The following RGS7 variants were observed in gnomAD, a reference collection of about 807,000 sequenced individuals.
RGS7 encodes the protein regulator of G protein signaling 7.
A neutral mutation model predicts 81.1 loss-of-function variants in RGS7; 27 were observed. The ratio of observed to expected loss-of-function variants is 0.33; its 90% CI spans 0.25 to 0.46. RGS7 has a LOEUF of 0.46. Among genes scored for constraint, RGS7 ranks in the 20% least tolerant of loss-of-function variants. The pLI is 1.00. For missense variants in RGS7, 396 were observed against 607.4 expected (o/e 0.65, Z 3.66); for synonymous variants, 208 against 207.7 (o/e 1.00, Z -0.01).
chr1:241,300,305 C>T (rs370271805), intron 2 of RGS7, among the ~76,000 whole-genome samples: 20 of 152,156 alleles, frequency 1.3e-4, no homozygotes, highest in East Asian at 5.8e-4. Context: ...TCATAGTTTA[C>T]GCTAGGGTTC....
At chr1:241,240,363 C>T (rs973573666) in intron 2 of RGS7, among the ~76,000 whole-genome samples, 6 of 152,260 alleles carry the variant, frequency 3.9e-5, no homozygotes, top group East Asian at 1.9e-4. Flanking sequence ...GTTAGACTCA[C>T]GTGGATCTGT....
At chr1:240,841,122 G>A (rs1371504248) in intron 9 of RGS7, among the ~76,000 whole-genome samples, 2 of 152,156 alleles carry the variant, frequency 1.3e-5, no homozygotes, top group Non-Finnish European at 2.9e-5. Context: ...TAGCTCAAAT[G>A]TTCTTTTCCT....
intron 6 of RGS7, among the ~76,000 whole-genome samples, chr1:240,876,604 G>A (rs261826): frequency 0.017 from 2,649 of 152,236 alleles, 70 homozygotes; most frequent in African/African-American, 0.061. Context: ...CTGCTGGTGG[G>A]CAAATAAACA....
At chr1:241,100,854 C>T (rs2102897924) in intron 2 of RGS7, among the ~76,000 whole-genome samples, 1 of 152,342 alleles carries the variant, frequency 6.6e-6, no homozygotes, top group Non-Finnish European at 1.5e-5. Context: ...TGTTTCTTTC[C>T]ATGTGGAAGG....
intron 6 of RGS7, chr1:240,920,008 A>T: frequency 7.8e-7 from 1 of 1,285,500 alleles, no homozygotes; most frequent in Admixed American, 1.7e-5. Flanking sequence ...GAAGAACATC[A>T]CCTAAGAGAT....
At chr1:240,790,555 G>C (rs1045773001) in intron 18 of RGS7, among the ~76,000 whole-genome samples, 1 of 152,212 alleles carries the variant, frequency 6.6e-6, no homozygotes, top group African/African-American at 2.4e-5. Context: ...TCATCTAGAG[G>C]AAGTGCTTGT....
chr1:241,002,544 C>A (rs1258430919), intron 3 of RGS7, among the ~76,000 whole-genome samples: 1 of 151,756 alleles, frequency 6.6e-6, no homozygotes, highest in African/African-American at 2.4e-5. Context: ...GTCTCCCCAG[C>A]ACTCATCATT....
chr1:241,139,790 A>C (rs1254162373), intron 2 of RGS7, among the ~76,000 whole-genome samples: 1 of 152,220 alleles, frequency 6.6e-6, no homozygotes, highest in Non-Finnish European at 1.5e-5. Context: ...CATGCTTTCT[A>C]ATAAAGCATT....
intron 2 of RGS7, among the ~76,000 whole-genome samples, chr1:241,120,303 A>C (rs2066162091): frequency 6.6e-6 from 1 of 152,018 alleles, no homozygotes; most frequent in Non-Finnish European, 1.5e-5. Context: ...TCTACATACC[A>C]CTATCATCAT....
intron 2 of RGS7, among the ~76,000 whole-genome samples, chr1:241,325,228 T>C (rs1292531472): frequency 1.3e-5 from 2 of 152,224 alleles, no homozygotes; most frequent in African/African-American, 2.4e-5. Context: ...AATAAGTTGG[T>C]GCTCTTGAGC....
intron 9 of RGS7, among the ~76,000 whole-genome samples, chr1:240,830,785 T>A (rs1292013504): frequency 2.6e-5 from 4 of 152,194 alleles, no homozygotes; most frequent in Admixed American, 6.5e-5. Context: ...TTTTACTTCA[T>A]ACCAGGGGTC....
chr1:240,884,321 C>G (rs1350252062), intron 6 of RGS7, among the ~76,000 whole-genome samples: 3 of 152,002 alleles, frequency 2.0e-5, no homozygotes, highest in Non-Finnish European at 4.4e-5. Context: ...GATCCATTGA[C>G]AAAAAAATGT....
intron 2 of RGS7, among the ~76,000 whole-genome samples, chr1:241,344,877 A>G (rs1187248640): frequency 6.6e-6 from 1 of 152,228 alleles, no homozygotes; most frequent in Admixed American, 6.5e-5. Context: ...GCACTGTGCT[A>G]GGCACTCAGA....
chr1:241,177,895 G>A (rs950835746), intron 2 of RGS7, among the ~76,000 whole-genome samples: 2 of 152,150 alleles, frequency 1.3e-5, no homozygotes, highest in African/African-American at 4.8e-5. Context: ...AAGGAGGGTC[G>A]AGAAGAATCC....
At chr1:240,819,958 T>C (rs886957823) in intron 10 of RGS7, among the ~76,000 whole-genome samples, 1 of 152,216 alleles carries the variant, frequency 6.6e-6, no homozygotes, top group Non-Finnish European at 1.5e-5. Flanking sequence ...CGTTTAACTT[T>C]GATTGTTGGC....
At chr1:240,975,989 T>C (rs774257864) in intron 4 of RGS7, among the ~76,000 whole-genome samples, 2 of 152,228 alleles carry the variant, frequency 1.3e-5, no homozygotes, top group East Asian at 3.9e-4. Context: ...CAATAGCAAA[T>C]GTGACACAAA....
intron 2 of RGS7, among the ~76,000 whole-genome samples, chr1:241,285,874 A>G (rs1245620170): frequency 6.6e-6 from 1 of 152,206 alleles, no homozygotes; most frequent in East Asian, 1.9e-4. Flanking sequence ...ACCCACAAGT[A>G]TATACCTAGT....
At chr1:241,195,556 A>G (rs1003056413) in intron 2 of RGS7, among the ~76,000 whole-genome samples, 5 of 152,304 alleles carry the variant, frequency 3.3e-5, no homozygotes, top group Admixed American at 2.0e-4. Flanking sequence ...AAAATTATCC[A>G]TGAGAAATGC....
At chr1:240,967,658 C>A (rs777843021) in intron 4 of RGS7, among the ~76,000 whole-genome samples, 2 of 151,756 alleles carry the variant, frequency 1.3e-5, no homozygotes, top group Non-Finnish European at 2.9e-5. Context: ...CACGAGAGGC[C>A]CGAGAAAATG....
Sources: allele counts gnomAD v4.1 joint callset (sites outside exome capture counted in the v4.1 genomes callset), GRCh38; gene constraint gnomAD v4.1.1; transcripts MANE v1.5; gene names NCBI Gene and HGNC (gene_info 2026-07-23, HGNC 2026-07-21).